Variants in KRT40 observed in about 807,000 individuals in gnomAD.
KRT40 encodes the protein keratin 40.
Under a neutral mutation model 43.5 loss-of-function variants are expected in KRT40, and 47 were observed. That is an observed-to-expected ratio of 1.08 (90% CI 0.86 to 1.38). The LOEUF (loss-of-function observed/expected upper bound fraction) is 1.38, where lower values mean the gene tolerates loss of function less well. Ranked by LOEUF, KRT40 falls within the 40% of genes most tolerant of loss-of-function variation. The probability of loss-of-function intolerance (pLI) is 0.00; values close to 1 mark genes in which losing one functional copy is unlikely to be tolerated. For missense variants in KRT40, 573 were observed against 523.6 expected, an observed-to-expected ratio of 1.09 and a Z score of -0.92; for synonymous variants, 212 against 214.0, an observed-to-expected ratio of 0.99 and a Z score of 0.08.
At chr17:40,983,156 T>C (rs749256391) in intron 1 of KRT40, 28 bp from the exon 2 acceptor site, 1 of 983,258 alleles carries the variant, frequency 1.0e-6, no homozygotes. Flanking sequence ...ATGTGATAAA[T>C]GATTCTTTGA....
upstream of KRT40, among the ~76,000 whole-genome samples, chr17:40,984,833 G>A (rs140013567): frequency 5.5e-3 from 815 of 148,952 alleles, 2 homozygotes; most frequent in African/African-American, 0.02. Context: ...ATAAAGACTG[G>A]AGGAGTGAGC....
rs1912223992 is a variant in KRT40 at position 40,982,474 on chromosome 17, A to C, written c.531-11T>G. 2.0e-6 allele frequency: 3 copies of C among 1,536,392 alleles called. No homozygotes were observed. Among genetic ancestry groups the C allele is most frequent in the African/African-American group, 2.8e-5 (2 of 71,390 alleles). Reference sequence around the variant, plus strand: ...AGTTCACTCTCGTACCTTTCACAGCAAAAGAGAAATCCAACGCTTACTTTG... The same window carrying C: ...AGTTCACTCTCGTACCTTTCACAGCCAAAGAGAAATCCAACGCTTACTTTG... On this transcript the variant is annotated splice_polypyrimidine_tract_variant and intron_variant, in intron 2 of 6. Coordinates refer to ENST00000377755, the MANE Select transcript of KRT40 (RefSeq NM_001389244.1).
rs1249972093 is a variant in KRT40 at position 40,984,097 on chromosome 17, G to C, written c.177C>G (p.Leu59=). The C allele has an allele frequency of 6.2e-7, 1 of 1,614,136 alleles. No individual in the cohort carries two copies. The highest frequency in any genetic ancestry group is 8.5e-7 in the Non-Finnish European group (1 of 1,180,034). Residue 59 remains leucine, a synonymous_variant, in exon 1 of 7, where the codon CTC becomes CTG. Coordinates refer to ENST00000377755, the MANE Select transcript of KRT40 (RefSeq NM_001389244.1). The part of the protein sequence containing the change: ...LSRSRGLTGC[L]LPCYFTGSCN... Reference sequence around the variant, plus strand: ...AACTCCCAGTAAAGTAGCATGGCAGGAGGCAACCAGTCAGCCCGCGAGACC... The same window carrying C: ...AACTCCCAGTAAAGTAGCATGGCAGCAGGCAACCAGTCAGCCCGCGAGACC...
chr17:40,979,572 G>C (rs182900083), intron 5 of KRT40, among the ~76,000 whole-genome samples: 2 of 151,714 alleles, frequency 1.3e-5, no homozygotes, highest in East Asian at 3.9e-4. Context: ...ACTGTTCTAC[G>C]TGTCAACTAT....
At chr17:40,984,534 GACAAA>G (rs1459405576), upstream of KRT40, among the ~76,000 whole-genome samples, 4 of 152,132 alleles carry the variant, frequency 2.6e-5, no homozygotes, top group East Asian at 7.7e-4. Flanking sequence ...CCATGTGCAA[GACAAA>G]ACACTTATTT....
chr17:40,981,169 T>C lies in KRT40; in HGVS notation c.688-18A>G, dbSNP rs1477953514. The C allele has an allele frequency of 8.1e-6, 13 of 1,613,154 alleles. No homozygotes were observed. The highest frequency in any genetic ancestry group is 9.3e-6 in the Non-Finnish European group (11 of 1,179,444). ...TTGACTTCCTGAAAGTGGGATGGTG[T>C]AAAGAATGTCACAGAATGGTGGGGA... On this transcript the variant is annotated intron_variant, in intron 3 of 6. Transcript: ENST00000377755.
In KRT40 at chr17:40,984,245, CAGTGTGTGGAGG is replaced by C. The variant is rs1280532290; in HGVS notation, c.17_28del (p.Ser6_His9del). ...AGCCGTGCCACAGGACTCAGGAGAGCAGTGTGTGGAGGAGCAGTCAGAAGTCATCCTTCCAGA... is the reference window on the plus strand; with the variant it reads ...AGCCGTGCCACAGGACTCAGGAGAGCAGCAGTCAGAAGTCATCCTTCCAGA... On this transcript the variant is annotated inframe_deletion, in exon 1 of 7. Coordinates refer to ENST00000377755, the MANE Select transcript of KRT40 (RefSeq NM_001389244.1). 1 of 1,612,992 alleles carries C rather than the reference CAGTGTGTGGAGG, an allele frequency of 6.2e-7. No individual in the cohort carries two copies. The highest frequency in any genetic ancestry group is 2.2e-5 in the East Asian group (1 of 44,812).
At chr17:40,987,014 C>A (rs948942312), upstream of KRT40, 1 of 152,202 alleles carries the variant, frequency 6.6e-6, no homozygotes, top group Admixed American at 6.5e-5. Flanking sequence ...TGGTCAAATG[C>A]TCTTCTGCTA....
chr17:40,981,979 A>G (rs1451871600), intron 3 of KRT40, among the ~76,000 whole-genome samples: 3 of 152,026 alleles, frequency 2.0e-5, no homozygotes, highest in Admixed American at 6.6e-5. Context: ...CCTGAGTTCA[A>G]GTGATTCTCC....
chr17:40,980,276 G>T (rs924419190), intron 5 of KRT40, among the ~76,000 whole-genome samples: 69 of 152,114 alleles, frequency 4.5e-4, no homozygotes, highest in Non-Finnish European at 2.9e-4. Context: ...GGTGTTCTCC[G>T]CAGGGCCTAA....
chr17:40,983,112 G>T lies in KRT40; in HGVS notation c.464C>A (p.Ala155Glu). ...CTGTACAGCAAGTCTAGAATTCTCT[G>T]CTTTCGTGCATAAGATCTGGGAAGC... ...DLQQKILCTK[A>E]ENSRLAVQLD... Residue 155 changes from alanine (A) to glutamate (E), a missense_variant, in exon 2 of 7, where the codon GCA becomes GAA. Transcript: ENST00000377755. The T allele has an allele frequency of 2.7e-6, 4 of 1,491,348 alleles. No homozygotes were observed. Among genetic ancestry groups the T allele is most frequent in the Non-Finnish European group, 2.8e-6 (3 of 1,075,314 alleles). The allele number at this position is 1,491,348 out of a possible 1,614,324, so 92.4% of individuals were successfully genotyped here.
upstream of KRT40, chr17:40,984,362 C>T (rs1026052359): frequency 1.0e-6 from 1 of 986,832 alleles, no homozygotes; most frequent in African/African-American, 1.6e-5. Flanking sequence ...TATAACCCCC[C>T]AAAATGGGTG....
Position 40,978,025 on chromosome 17 carries a change from G to C in KRT40, c.*172C>G. 1 of 572,930 alleles carries C rather than the reference G, an allele frequency of 1.7e-6. No homozygotes were observed. Among genetic ancestry groups the C allele is most frequent in the Admixed American group, 2.9e-5 (1 of 34,010 alleles). The allele number at this position is 572,930 out of a possible 1,614,324, so 35.5% of individuals were successfully genotyped here. On this transcript the variant is annotated 3_prime_UTR_variant, in exon 7 of 7. Coordinates refer to ENST00000377755, the MANE Select transcript of KRT40 (RefSeq NM_001389244.1). ...TGGGCTTCCAGTATACCACAAATAA[G>C]CCGGAAGGAGAGGAAATAGTAAAGC...
intron 5 of KRT40, 125 bp from the exon 6 acceptor site, chr17:40,979,149 G>A: frequency 1.5e-6 from 1 of 680,024 alleles, no homozygotes; most frequent in Non-Finnish European, 2.6e-6. Context: ...TAGCTTCTGT[G>A]AGTCTCAGTT....
chr17:40,986,776 T>C (rs573752698), upstream of KRT40: 1 of 151,906 alleles, frequency 6.6e-6, no homozygotes, highest in South Asian at 2.1e-4. Context: ...TTTTGCATAA[T>C]ACTATGCTCT....
intron 1 of KRT40, 102 bp from the exon 2 acceptor site, chr17:40,983,230 AAG>A: frequency 1.8e-6 from 1 of 562,874 alleles, no homozygotes; most frequent in Non-Finnish European, 3.2e-6. Flanking sequence ...AAGTCTTTAT[AAG>A]AAAGTATAAA....
Position 40,978,262 on chromosome 17 carries a change from A to C in KRT40, c.1231T>G (p.Ser411Ala), listed in dbSNP as rs753681677. 3.1e-6 allele frequency: 5 copies of C among 1,614,136 alleles called. No homozygotes were observed. The highest frequency in any genetic ancestry group is 3.4e-6 in the Non-Finnish European group (4 of 1,179,994). ...GAGCATGGCTCACAAGTGTTGCTCGAGGTGCATGTGGTCGAACATGGGCTA... is the reference window on the plus strand; with the variant it reads ...GAGCATGGCTCACAAGTGTTGCTCGCGGTGCATGTGGTCGAACATGGGCTA... ...SCSPCSTTCT[S>A]SNTCEPCSAY... The change falls in exon 7 of 7, where the codon TCG (serine) becomes GCG (alanine). Residue 411 changes from serine (S) to alanine (A), a missense_variant. Ser to Ala is a moderately conservative substitution (Grantham distance 99). Coordinates refer to ENST00000377755, the MANE Select transcript of KRT40 (RefSeq NM_001389244.1).
upstream of KRT40, chr17:40,984,445 G>C: frequency 1.7e-6 from 1 of 595,296 alleles, no homozygotes; most frequent in Non-Finnish European, 3.0e-6. Context: ...CATTAGAGTT[G>C]TTTATTTACT....
intron 1 of KRT40, among the ~76,000 whole-genome samples, 172 bp downstream of exon 1, chr17:40,983,655 G>T (rs1366078425): frequency 6.6e-6 from 1 of 152,126 alleles, no homozygotes; most frequent in African/African-American, 2.4e-5. Context: ...GGTAGCTCTG[G>T]GGCTGATGCT....
Sources: allele counts gnomAD v4.1 joint callset (sites outside exome capture counted in the v4.1 genomes callset), GRCh38; gene constraint gnomAD v4.1.1; transcripts MANE v1.5; gene names NCBI Gene and HGNC (gene_info 2026-07-23, HGNC 2026-07-21).